Variants in AHSG observed in about 807,000 individuals in gnomAD.
AHSG encodes alpha-2-HS-glycoprotein.
A neutral mutation model predicts 30.1 loss-of-function variants in AHSG; 23 were observed. That is an observed-to-expected ratio of 0.76 (90% CI 0.55 to 1.08). The LOEUF is 1.08. AHSG is among the 50% of genes least tolerant of loss of function. The pLI is 0.00. For missense variants in AHSG, 469 were observed against 459.5 expected, an observed-to-expected ratio of 1.02 and a Z score of -0.19; for synonymous variants, 164 against 186.3, an observed-to-expected ratio of 0.88 and a Z score of 0.98.
chr3:186,613,852 T>C lies in AHSG; in HGVS notation c.213+498T>C, dbSNP rs558717161. On this transcript the variant is annotated intron_variant, in intron 1 of 6. Coordinates refer to ENST00000411641, the MANE Select transcript of AHSG (RefSeq NM_001622.4). ...GCCTCCTGGTGCTGTGTGGTACATATATTGTTCTTGTCTTACCCAAGAGGA... is the reference window on the plus strand; with the variant it reads ...GCCTCCTGGTGCTGTGTGGTACATACATTGTTCTTGTCTTACCCAAGAGGA... Among the ~76,000 whole-genome samples, 15 of 152,284 alleles carry C rather than the reference T, an allele frequency of 9.9e-5. No homozygotes were observed. In the East Asian group the frequency reaches 2.7e-3, roughly 27 times the overall value.
At chr3:186,619,808 G>T (rs762188966) in intron 5 of AHSG, 49 bp from the exon 6 acceptor site, 2 of 1,468,206 alleles carry the variant, frequency 1.4e-6, no homozygotes, top group East Asian at 4.6e-5. Context: ...AATTGGGGGG[G>T]ATCCATTTTT....
chr3:186,615,600 C>A, intron 1 of AHSG, 85 bp from the exon 2 acceptor site: 1 of 1,099,094 alleles, frequency 9.1e-7, no homozygotes, highest in Non-Finnish European at 1.4e-6. Flanking sequence ...GGGGTGCTCT[C>A]AAGCCCAATG....
At position 186,618,581 on chromosome 3, in the gene AHSG, G is replaced by T; in HGVS notation, c.619G>T (p.Asp207Tyr). Reference sequence around the variant, plus strand: ...TGTGGAGTTTACAGTGTCTGGCACTGACTGTGTTGCTAAAGAGGCCACAGA... The same window carrying T: ...TGTGGAGTTTACAGTGTCTGGCACTTACTGTGTTGCTAAAGAGGCCACAGA... ...TYVEFTVSGT[D>Y]CVAKEATEAA... Residue 207 changes from aspartate to tyrosine, a missense_variant, in exon 5 of 7, where the codon GAC becomes TAC. Coordinates refer to ENST00000411641, the MANE Select transcript of AHSG (RefSeq NM_001622.4). The T allele has an allele frequency of 6.2e-7, 1 of 1,614,094 alleles. No individual in the cohort carries two copies. Among genetic ancestry groups the T allele is most frequent in the South Asian group, 1.1e-5 (1 of 91,028 alleles).
intron 4 of AHSG, 96 bp from the exon 5 acceptor site, chr3:186,618,438 ATG>A: frequency 6.5e-7 from 1 of 1,549,790 alleles, no homozygotes; most frequent in Non-Finnish European, 8.8e-7. Flanking sequence ...GTCTGCATGA[ATG>A]GTGCTCCCCG....
At chr3:186,619,021 G>A (rs1051093431) in intron 5 of AHSG, among the ~76,000 whole-genome samples, 1 of 152,202 alleles carries the variant, frequency 6.6e-6, no homozygotes, top group Non-Finnish European at 1.5e-5. Context: ...CAGTGGCCAG[G>A]CATGATGGCT....
rs371743399 is a variant in AHSG at position 186,613,330 on chromosome 3, T to C, written c.189T>C (p.Ile63=). 34 of 1,613,694 alleles carry C rather than the reference T, an allele frequency of 2.1e-5. No individual in the cohort carries two copies. Among genetic ancestry groups the C allele is most frequent in the East Asian group, 2.0e-4 (9 of 44,900 alleles). ...GATACAAACACACCTTGAACCAGATTGATGAAGTAAAGGTGTGGCCTCAGG... is the reference window on the plus strand; with the variant it reads ...GATACAAACACACCTTGAACCAGATCGATGAAGTAAAGGTGTGGCCTCAGG... ...PWGYKHTLNQ[I]DEVKVWPQQP... Residue 63 remains isoleucine (I), a synonymous_variant, in exon 1 of 7, where the codon ATT becomes ATC. Transcript: ENST00000411641.
intron 5 of AHSG, 148 bp downstream of exon 5, chr3:186,618,785 T>C: frequency 7.1e-7 from 1 of 1,399,340 alleles, no homozygotes; most frequent in Non-Finnish European, 9.5e-7. Flanking sequence ...AGCCTTCTTT[T>C]AGGGTGTCAC....
Position 186,617,184 on chromosome 3 carries a change from C to A in AHSG, c.410-3C>A. ...CACATCCTGGTTTCCTCTCTCCGAG[C>A]AGACTCAGCCGAGGACGTGCGCAAG... On this transcript the variant is annotated splice_polypyrimidine_tract_variant and splice_region_variant and intron_variant, in intron 3 of 6. Coordinates refer to ENST00000411641, the MANE Select transcript of AHSG (RefSeq NM_001622.4). The A allele has an allele frequency of 6.2e-7, 1 of 1,607,340 alleles. No individual in the cohort carries two copies. Among genetic ancestry groups the A allele is most frequent in the Non-Finnish European group, 8.5e-7 (1 of 1,176,630 alleles).
chr3:186,614,480 C>T (rs1313397501), intron 1 of AHSG, among the ~76,000 whole-genome samples: 2 of 152,214 alleles, frequency 1.3e-5, no homozygotes, highest in Admixed American at 1.3e-4. Flanking sequence ...TGCCATCCGT[C>T]TCACAAAGAG....
rs755530712 is a variant in AHSG, at chr3:186,617,231, C to T, written c.454C>T (p.Leu152=). The T allele has an allele frequency of 6.8e-6, 11 of 1,613,938 alleles. No individual in the cohort carries two copies. The African/African-American group carries it at 1.1e-4, about 16-fold the overall frequency. Residue 152 remains leucine, a synonymous_variant, in exon 4 of 7, where the codon CTG becomes TTG. Transcript: ENST00000411641. ...VRKVCQDCPL[L]APLNDTRVVH... is the part of the protein sequence containing the mutation. Reference sequence around the variant, plus strand: ...CAAGGTGTGCCAAGACTGCCCCCTGCTGGCCCCGCTGAACGACACCAGGGT... The same window carrying T: ...CAAGGTGTGCCAAGACTGCCCCCTGTTGGCCCCGCTGAACGACACCAGGGT...
rs753939665 is a variant in AHSG at position 186,617,194 on chromosome 3, C to G, written c.417C>G (p.Ala139=). 6.2e-7 allele frequency: 1 copy of G among 1,610,958 alleles called. No individual in the cohort carries two copies. The highest frequency in any genetic ancestry group is 8.5e-7 in the Non-Finnish European group (1 of 1,178,678). ...TTTCCTCTCTCCGAGCAGACTCAGCCGAGGACGTGCGCAAGGTGTGCCAAG... is the reference window on the plus strand; with the variant it reads ...TTTCCTCTCTCCGAGCAGACTCAGCGGAGGACGTGCGCAAGGTGTGCCAAG... ...YAKCDSSPDS[A]EDVRKVCQDC... The change falls in exon 4 of 7, where the codon GCC becomes GCG. Residue 139 remains alanine, a synonymous_variant. Coordinates refer to ENST00000411641, the MANE Select transcript of AHSG (RefSeq NM_001622.4).
chr3:186,613,428 A>ATCGGCCGGGCGCGGTGGC, intron 1 of AHSG, 74 bp downstream of exon 1: 1 of 1,336,646 alleles, frequency 7.5e-7, no homozygotes. Context: ...AAAAATCACC[A>ATCGGCCGGGCGCGGTGGC]TCACCCAGTG....
In AHSG at chr3:186,617,672, T is replaced by G. The variant is rs1047660891; in HGVS notation, c.573+322T>G. ...GTGTCAGCTGGTAGAGTTGCCCACGTCGGCCAGAAGCACTCACTGTAAATT... is the reference window on the plus strand; with the variant it reads ...GTGTCAGCTGGTAGAGTTGCCCACGGCGGCCAGAAGCACTCACTGTAAATT... On this transcript the variant is annotated intron_variant, in intron 4 of 6. Coordinates refer to ENST00000411641, the MANE Select transcript of AHSG (RefSeq NM_001622.4). The G allele has an allele frequency of 3.1e-5, 13 of 419,556 alleles. 1 individual carries two copies. The Middle Eastern group carries it at 3.7e-3, about 120-fold the overall frequency. 26.0% of individuals were successfully genotyped at this position (419,556 alleles called of 1,614,324 possible).
chr3:186,613,317 C>A lies in AHSG; in HGVS notation c.176C>A (p.Thr59Asn), dbSNP rs754601222. ...NQNLPWGYKH[T>N]LNQIDEVKVW... ...AACCTTCCTTGGGGATACAAACACA[C>A]CTTGAACCAGATTGATGAAGTAAAG... The change falls in exon 1 of 7, where the codon ACC becomes AAC. Residue 59 changes from threonine to asparagine, a missense_variant. By Grantham distance (65) the Thr-to-Asn change is moderately conservative. Coordinates refer to ENST00000411641, the MANE Select transcript of AHSG (RefSeq NM_001622.4). 1 of 1,614,018 alleles carries A rather than the reference C, an allele frequency of 6.2e-7. No homozygotes were observed. The highest frequency in any genetic ancestry group is 1.7e-4 in the Middle Eastern group (1 of 6,060).
rs35003250 is a variant in AHSG, at chr3:186,620,663, G to T, written c.837G>T (p.Pro279=). The T allele has an allele frequency of 6.2e-7, 1 of 1,613,946 alleles. No homozygotes were observed. Among genetic ancestry groups the T allele is most frequent in the African/African-American group, 1.3e-5 (1 of 74,896 alleles). ...CCGTGGTGGACCCAGATGCACCTCC[G>T]TCCCCTCCACTTGGCGCACCTGGAC... ...PTPVVDPDAP[P]SPPLGAPGLP... Residue 279 remains proline (P), a synonymous_variant, in exon 7 of 7, where the codon CCG becomes CCT. Coordinates refer to ENST00000411641, the MANE Select transcript of AHSG (RefSeq NM_001622.4).
At chr3:186,616,576 G>T (rs1716312084) in intron 3 of AHSG, 49 bp downstream of exon 3, 1 of 1,453,182 alleles carries the variant, frequency 6.9e-7, no homozygotes, top group Non-Finnish European at 9.5e-7. Flanking sequence ...GAGAAAGTGG[G>T]GAAGGGATCT....
Position 186,620,740 on chromosome 3 carries a change from CA to C in AHSG, c.915del (p.Gly306AspfsTer104). 2 of 1,614,196 alleles carry C rather than the reference CA, an allele frequency of 1.2e-6. No homozygotes were observed. Among genetic ancestry groups the C allele is most frequent in the Non-Finnish European group, 1.7e-6 (2 of 1,180,032 alleles). The stretch of plus-strand genomic sequence containing the variant: ...TCCCATGTGTTACTGGCAGCTCCTC[CA>C]GGACACCAGTTGCACCGGGCGCACT... ...PDSHVLLAAP[P>X]GHQLHRAHYD... On this transcript the variant is annotated frameshift_variant, in exon 7 of 7. Transcript: ENST00000411641. LOFTEE classifies it low-confidence loss of function (END_TRUNC).
intron 5 of AHSG, among the ~76,000 whole-genome samples, chr3:186,619,404 G>A (rs1716407780): frequency 6.6e-6 from 1 of 152,176 alleles, no homozygotes; most frequent in Non-Finnish European, 1.5e-5. Context: ...AGATCTGTAT[G>A]TCCAACAGGA....
rs759057517 is a variant in AHSG at position 186,615,748 on chromosome 3, G to T, written c.277G>T (p.Asp93Tyr). 1.2e-6 allele frequency: 2 copies of T among 1,614,248 alleles called. No individual in the cohort carries two copies. The highest frequency in any genetic ancestry group is 1.1e-5 in the South Asian group (1 of 91,088). Residue 93 changes from aspartate (D) to tyrosine (Y), a missense_variant, in exon 2 of 7, where the codon GAC (aspartate) becomes TAC (tyrosine). Asp to Tyr is a radical substitution (Grantham distance 160). Transcript: ENST00000411641. ...CCTGGAAACCACCTGCCATGTGCTG[G>T]ACCCCACCCCTGTGGCAAGATGCAG... is the stretch of plus-strand genomic sequence containing the variant. ...DTLETTCHVL[D>Y]PTPVARCSVR...
Sources: allele counts gnomAD v4.1 joint callset (sites outside exome capture counted in the v4.1 genomes callset), GRCh38; gene constraint gnomAD v4.1.1; transcripts MANE v1.5; gene names NCBI Gene and HGNC (gene_info 2026-07-23, HGNC 2026-07-21).